OPHN1: variants seen among roughly 807,000 people sequenced by gnomAD.
OPHN1 encodes the protein oligophrenin 1, also known as oligophrenin-1.
A neutral mutation model predicts 60.7 loss-of-function variants in OPHN1; 11 were observed. That is an observed-to-expected ratio of 0.18 (90% CI 0.11 to 0.30). The LOEUF is 0.30. Among genes scored for constraint, OPHN1 ranks in the 10% least tolerant of loss-of-function variants. OPHN1 has a pLI of 1.00. For synonymous variants in OPHN1, 226 were observed against 222.6 expected (o/e 1.02, Z -0.14); for missense variants, 449 against 611.0 (o/e 0.73, Z 2.80).
At chrX:68,403,717 C>T (rs1176191095) in intron 2 of OPHN1, among the ~76,000 whole-genome samples, 1 of 109,992 alleles carries the variant, frequency 9.1e-6, no homozygotes, top group Admixed American at 9.9e-5. Flanking sequence ...CTCAAATGTG[C>T]CTTGTGTACG....
At chrX:68,363,902 T>C (rs1395162847) in intron 2 of OPHN1, among the ~76,000 whole-genome samples, 2 of 111,152 alleles carry the variant, frequency 1.8e-5, no homozygotes, top group East Asian at 5.6e-4. Flanking sequence ...GGGTGATGAA[T>C]CTAGAGGGTT....
chrX:68,269,422 G>A (rs2077953607), intron 5 of OPHN1, among the ~76,000 whole-genome samples: 1 of 111,289 alleles, frequency 9.0e-6, no homozygotes, highest in Non-Finnish European at 1.9e-5. Context: ...AGAGCCCTCA[G>A]AAATAATGCC....
chrX:68,167,662 CAT>C (rs942757002), intron 15 of OPHN1, among the ~76,000 whole-genome samples: 21 of 107,260 alleles, frequency 2.0e-4, no homozygotes, highest in Non-Finnish European at 1.2e-4. Flanking sequence ...TGCATGTATA[CAT>C]ATATATGCAT....
intron 21 of OPHN1, 76 bp from the exon 22 acceptor site, chrX:68,053,886 G>A: frequency 9.4e-7 from 1 of 1,066,601 alleles, no homozygotes; most frequent in Admixed American, 2.5e-5. Context: ...CACCCAATAT[G>A]AGAGTTACCT....
At position 68,088,532 on chromosome X, in the gene OPHN1, G is replaced by A. The variant is rs769847575; in HGVS notation, c.1686+8338C>T. Among the ~76,000 whole-genome samples, 7 of 111,447 alleles carry A rather than the reference G, an allele frequency of 6.3e-5. No individual in the cohort carries two copies. In the South Asian group the frequency reaches 2.7e-3, roughly 43 times the overall value. On this transcript the variant is annotated intron_variant, in intron 19 of 24. Transcript: ENST00000355520. ...AACAACCATAAACAATGGTGTAACAGCTACTAAGAAAAGCCTCTTTTGACT... is the reference window on the plus strand; with the variant it reads ...AACAACCATAAACAATGGTGTAACAACTACTAAGAAAAGCCTCTTTTGACT...
At chrX:68,147,035 TAAG>T (rs1166217577) in intron 15 of OPHN1, among the ~76,000 whole-genome samples, 1 of 112,160 alleles carries the variant, frequency 8.9e-6, no homozygotes, top group Non-Finnish European at 1.9e-5. Context: ...AAAGTATATT[TAAG>T]AAGATGACTG....
At chrX:68,279,101 C>CTTTTTTTTTTTTTTTT (rs984725368) in intron 4 of OPHN1, among the ~76,000 whole-genome samples, 1 of 21,785 alleles carries the variant, frequency 4.6e-5, no homozygotes, top group Non-Finnish European at 7.2e-5. Flanking sequence ...CTCCCCCGCT[C>CTTTTTTTTTTTTTTTT]TTTTTTTTTT....
chrX:68,083,158 C>T (rs1184947140), intron 19 of OPHN1, among the ~76,000 whole-genome samples: 3 of 96,689 alleles, frequency 3.1e-5, no homozygotes, highest in East Asian at 3.4e-4. Context: ...CTGCAAGCTC[C>T]GCTTCCCGGG....
intron 2 of OPHN1, among the ~76,000 whole-genome samples, chrX:68,390,328 G>A (rs1038768586): frequency 8.9e-6 from 1 of 112,001 alleles, no homozygotes; most frequent in Admixed American, 9.5e-5. Flanking sequence ...GCCGGGTGCA[G>A]TGGCTTATGC....
intron 2 of OPHN1, among the ~76,000 whole-genome samples, chrX:68,389,020 T>A (rs1378508300): frequency 1.9e-5 from 2 of 107,974 alleles, no homozygotes; most frequent in African/African-American, 3.4e-5. Context: ...AGTGGTGTAA[T>A]CATGGCTCAC....
intron 12 of OPHN1, 67 bp downstream of exon 12, chrX:68,197,119 A>G (rs761858178): frequency 1.9e-4 from 147 of 771,547 alleles, no homozygotes; most frequent in South Asian, 8.6e-4. Flanking sequence ...AGACCCACTG[A>G]TACCACTAGA....
intron 2 of OPHN1, among the ~76,000 whole-genome samples, chrX:68,351,411 C>G (rs1177841607): frequency 9.0e-6 from 1 of 111,629 alleles, no homozygotes; most frequent in African/African-American, 3.3e-5. Flanking sequence ...GTATATGATA[C>G]TATATATCCC....
rs778139404 is a variant in OPHN1, at chrX:68,246,488, G to C, written c.385-11900C>G. On this transcript the variant is annotated intron_variant, in intron 5 of 24. Transcript: ENST00000355520. ...AGATAAAAAGGCAAAGATAGGTGAG[G>C]ATAAAGAGGAGTTTTGCAGAAGGCT... Among the ~76,000 whole-genome samples, 12 of 111,942 alleles carry C rather than the reference G, an allele frequency of 1.1e-4. No homozygotes were observed. The South Asian group carries it at 4.5e-3, about 42-fold the overall frequency.
chrX:68,177,776 G>A (rs1379421445), intron 15 of OPHN1, among the ~76,000 whole-genome samples: 5 of 110,925 alleles, frequency 4.5e-5, no homozygotes, highest in Admixed American at 1.9e-4. Flanking sequence ...AGCACCAAGT[G>A]GATGAGGCTA....
intron 19 of OPHN1, among the ~76,000 whole-genome samples, chrX:68,084,493 A>G (rs1033791364): frequency 1.8e-5 from 2 of 110,008 alleles, no homozygotes; most frequent in African/African-American, 6.6e-5. Context: ...TAGGGAGTGA[A>G]GCAGTTACAT....
At chrX:68,347,577 C>T (rs1569287583) in intron 2 of OPHN1, among the ~76,000 whole-genome samples, 4 of 111,107 alleles carry the variant, frequency 3.6e-5, no homozygotes, top group African/African-American at 6.5e-5. Context: ...CTCAGCCTCC[C>T]AAAAAGGTGG....
At chrX:68,356,724 A>T (rs1457368816) in intron 2 of OPHN1, among the ~76,000 whole-genome samples, 1 of 110,810 alleles carries the variant, frequency 9.0e-6, no homozygotes, top group Non-Finnish European at 1.9e-5. Context: ...CTCTTTCTGT[A>T]TATATATATA....
At chrX:68,208,699 C>T (rs2147477301) in intron 9 of OPHN1, among the ~76,000 whole-genome samples, 1 of 111,779 alleles carries the variant, frequency 8.9e-6, no homozygotes, top group South Asian at 3.8e-4. Flanking sequence ...AATACTGAAG[C>T]ACAGAAGGAT....
rs140758830 is a variant in OPHN1 at position 68,404,472 on chromosome X, G to A, written c.154+28395C>T. ...TGCGCCTGGCCAAAACTTTTAAATAGAATTATCATATAATCCAGCAATCCC... is the reference window on the plus strand; with the variant it reads ...TGCGCCTGGCCAAAACTTTTAAATAAAATTATCATATAATCCAGCAATCCC... On this transcript the variant is annotated intron_variant, in intron 2 of 24. Transcript: ENST00000355520. Among the ~76,000 whole-genome samples the A allele has an allele frequency of 3.1e-3, 342 of 111,238 alleles. 2 individuals are homozygous for A. Among genetic ancestry groups the A allele is most frequent in the African/African-American group, 0.011 (333 of 30,640 alleles).
Sources: gnomAD v4.1 joint callset for allele counts (sites outside exome capture counted in the v4.1 genomes callset) on GRCh38, gnomAD v4.1.1 for gene constraint, MANE v1.5 for transcripts, NCBI Gene and HGNC (gene_info 2026-07-23, HGNC 2026-07-21) for gene names.